Variants in GLRA3 observed in about 807,000 individuals in gnomAD.
The protein encoded by GLRA3 is glycine receptor subunit alpha-3.
GLRA3 carries 44 observed loss-of-function variants against 60.4 expected under a neutral mutation model. The ratio of observed to expected loss-of-function variants is 0.73; its 90% CI spans 0.57 to 0.94. GLRA3 has a LOEUF of 0.94. GLRA3 is among the 40% of genes least tolerant of loss of function. The pLI is 0.00. For synonymous variants in GLRA3, 223 were observed against 192.9 expected (o/e 1.16, Z -1.29); for missense variants, 508 against 564.6 (o/e 0.90, Z 1.02).
At chr4:174,721,347 AAATT>A (rs1408867022) in intron 4 of GLRA3, among the ~76,000 whole-genome samples, 3 of 152,074 alleles carry the variant, frequency 2.0e-5, no homozygotes, top group Non-Finnish European at 4.4e-5. Context: ...ATTTGTGGTT[AAATT>A]AATATTCAGT....
intron 2 of GLRA3, among the ~76,000 whole-genome samples, chr4:174,783,073 A>G (rs1464901292): frequency 6.6e-6 from 1 of 152,246 alleles, no homozygotes; most frequent in African/African-American, 2.4e-5. Context: ...CAACTATACT[A>G]CAAGGCTACA....
At chr4:174,698,486 G>T (rs1482518001) in intron 5 of GLRA3, among the ~76,000 whole-genome samples, 1 of 152,114 alleles carries the variant, frequency 6.6e-6, no homozygotes, top group Non-Finnish European at 1.5e-5. Flanking sequence ...ACCATGCTGT[G>T]CCTGATCTTG....
Position 174,788,902 on chromosome 4 carries a change from C to T in GLRA3, c.113G>A (p.Ser38Asn), listed in dbSNP as rs1739223156. ...TKETDSARSRSAPMSPSDFLD... is the reference protein window; with the variant it reads ...TKETDSARSRNAPMSPSDFLD... Reference sequence around the variant, plus strand: ...AAAATCAGAAGGTGACATTGGAGCACTTCGAGATCTTGCACTGTCTGTTTC... The same window carrying T: ...AAAATCAGAAGGTGACATTGGAGCATTTCGAGATCTTGCACTGTCTGTTTC... The change falls in exon 2 of 10, where the codon AGT (serine) becomes AAT (asparagine). Residue 38 changes from serine to asparagine, a missense_variant. This residue lies in a region of GLRA3 where 329 missense variants were observed against 349.3 expected (regional missense o/e 0.94). Coordinates refer to ENST00000274093, the MANE Select transcript of GLRA3 (RefSeq NM_006529.4). The T allele has an allele frequency of 1.2e-6, 2 of 1,607,724 alleles. No homozygotes were observed. Among genetic ancestry groups the T allele is most frequent in the African/African-American group, 2.7e-5 (2 of 74,664 alleles).
At chr4:174,824,225 C>A (rs1185965623) in intron 1 of GLRA3, among the ~76,000 whole-genome samples, 1 of 152,108 alleles carries the variant, frequency 6.6e-6, no homozygotes, top group East Asian at 1.9e-4. Flanking sequence ...TTTTAAGAAA[C>A]TATATTTTGA....
chr4:174,778,827 C>G (rs566361030), intron 2 of GLRA3, among the ~76,000 whole-genome samples: 4 of 152,230 alleles, frequency 2.6e-5, no homozygotes, highest in African/African-American at 9.6e-5. Context: ...TCCTACCCCA[C>G]GGAGTCTCGC....
intron 3 of GLRA3, among the ~76,000 whole-genome samples, chr4:174,734,441 T>C (rs1250636596): frequency 2.0e-5 from 3 of 152,168 alleles, no homozygotes; most frequent in Non-Finnish European, 4.4e-5. Context: ...TAATGGCCCA[T>C]TGGGAAAGTG....
intron 3 of GLRA3, among the ~76,000 whole-genome samples, chr4:174,737,538 C>CAG (rs10674433): frequency 0.84 from 127,719 of 151,766 alleles, 54,768 homozygotes; most frequent in Non-Finnish European, 0.94. Flanking sequence ...GTTGTTGAGA[C>CAG]AGTCTCTCTC....
chr4:174,820,250 A>G (rs2076497508), intron 1 of GLRA3, among the ~76,000 whole-genome samples: 1 of 152,212 alleles, frequency 6.6e-6, no homozygotes, highest in South Asian at 2.1e-4. Flanking sequence ...GAATAAAGAA[A>G]AATAAGCTGC....
intron 3 of GLRA3, among the ~76,000 whole-genome samples, chr4:174,732,687 T>TA (rs1736599579): frequency 6.6e-6 from 1 of 151,716 alleles, no homozygotes; most frequent in East Asian, 1.9e-4. Flanking sequence ...TGTAAAACAG[T>TA]AAAAACAAAA....
intron 5 of GLRA3, among the ~76,000 whole-genome samples, chr4:174,684,866 G>A (rs142836484): frequency 7.9e-5 from 12 of 152,174 alleles, no homozygotes; most frequent in Non-Finnish European, 1.3e-4. Flanking sequence ...AAAATTAGCC[G>A]GGCGTGGTGG....
chr4:174,810,302 A>G (rs1740211197), intron 1 of GLRA3, among the ~76,000 whole-genome samples: 1 of 152,162 alleles, frequency 6.6e-6, no homozygotes, highest in Non-Finnish European at 1.5e-5. Flanking sequence ...TCACTTCTCT[A>G]TTCTGTGGCA....
intron 3 of GLRA3, among the ~76,000 whole-genome samples, chr4:174,729,269 G>C (rs1473427961): frequency 6.6e-6 from 1 of 152,102 alleles, no homozygotes; most frequent in Non-Finnish European, 1.5e-5. Flanking sequence ...TATTTTAGTA[G>C]ATATCCAATA....
In GLRA3 at chr4:174,785,474, A is replaced by C. The variant is rs183551253; in HGVS notation, c.199+3342T>G. Among the ~76,000 whole-genome samples the C allele has an allele frequency of 6.3e-3, 964 of 152,276 alleles. 3 individuals carry two copies. Among genetic ancestry groups the C allele is most frequent in the Non-Finnish European group, 0.011 (743 of 67,994 alleles). On this transcript the variant is annotated intron_variant, in intron 2 of 9. Transcript: ENST00000274093. ...ATTTTTAAATATTTGAAAGGCAAAAATGTTATATTACTGTTATACACTTTG... is the reference window on the plus strand; with the variant it reads ...ATTTTTAAATATTTGAAAGGCAAAACTGTTATATTACTGTTATACACTTTG...
chr4:174,805,094 T>G (rs1739984949), intron 1 of GLRA3, among the ~76,000 whole-genome samples: 1 of 152,146 alleles, frequency 6.6e-6, no homozygotes, highest in Non-Finnish European at 1.5e-5. Flanking sequence ...TGCAGTTCGA[T>G]TTTTCAGGCT....
At chr4:174,803,961 T>C (rs1164626162) in intron 1 of GLRA3, among the ~76,000 whole-genome samples, 1 of 152,210 alleles carries the variant, frequency 6.6e-6, no homozygotes, top group Non-Finnish European at 1.5e-5. Context: ...CAGACTTGTC[T>C]ACTAGTTTTC....
intron 1 of GLRA3, among the ~76,000 whole-genome samples, chr4:174,811,154 C>T (rs1740255259): frequency 6.7e-6 from 1 of 148,552 alleles, no homozygotes; most frequent in Non-Finnish European, 1.5e-5. Flanking sequence ...GACACACACA[C>T]AGACAGCATG....
At chr4:174,698,550 C>A (rs1470638850) in intron 5 of GLRA3, among the ~76,000 whole-genome samples, 2 of 152,052 alleles carry the variant, frequency 1.3e-5, no homozygotes, top group African/African-American at 2.4e-5. Flanking sequence ...AGAACCAAAA[C>A]CTATACAAAA....
intron 3 of GLRA3, among the ~76,000 whole-genome samples, chr4:174,765,735 T>G (rs1361940903): frequency 6.6e-6 from 1 of 152,056 alleles, no homozygotes; most frequent in African/African-American, 2.4e-5. Context: ...TCTAACCAAA[T>G]GACATACGTC....
At chr4:174,667,979 G>A (rs955344220) in intron 7 of GLRA3, among the ~76,000 whole-genome samples, 1 of 152,060 alleles carries the variant, frequency 6.6e-6, no homozygotes, top group Non-Finnish European at 1.5e-5. Flanking sequence ...TCCATCGTGG[G>A]GTTGGTTTCT....
Sources: allele counts gnomAD v4.1 joint callset (sites outside exome capture counted in the v4.1 genomes callset), GRCh38; gene constraint gnomAD v4.1.1; regional missense constraint gnomAD v4.1.1; transcripts MANE v1.5; gene names NCBI Gene and HGNC (gene_info 2026-07-23, HGNC 2026-07-21).